Variants in ASH1L observed in about 807,000 individuals in gnomAD.
The protein encoded by ASH1L is histone-lysine N-methyltransferase ASH1L.
A neutral mutation model predicts 269.0 loss-of-function variants in ASH1L; 23 were observed. The observed-to-expected ratio is 0.09, with a 90% confidence interval of 0.06 to 0.12. The LOEUF (loss-of-function observed/expected upper bound fraction) is 0.12. Ranked by LOEUF, ASH1L falls within the 10% of genes least tolerant of loss-of-function variation. The probability of loss-of-function intolerance (pLI) is 1.00; values close to 1 mark genes in which losing one functional copy is unlikely to be tolerated. For missense variants in ASH1L, 2,912 were observed against 3,567.8 expected (o/e 0.82, Z 4.68); for synonymous variants, 1,187 against 1,253.5 (o/e 0.95, Z 1.12).
intron 7 of ASH1L, among the ~76,000 whole-genome samples, chr1:155,385,427 G>C (rs1420505264): frequency 1.3e-5 from 2 of 152,038 alleles, no homozygotes; most frequent in Non-Finnish European, 2.9e-5. Context: ...CTGGGCAACA[G>C]AGCAAGAACC....
rs1474290126 is a variant in ASH1L at position 155,479,815 on chromosome 1, G to C, written c.3055C>G (p.His1019Asp). The C allele has an allele frequency of 6.2e-7, 1 of 1,614,166 alleles. No homozygotes were observed. The highest frequency in any genetic ancestry group is 8.5e-7 in the Non-Finnish European group (1 of 1,180,016). ...GCAGCAAGACTTGATACCGTATTAT[G>C]GAGTTTGGATTGCACTTTCCCTTTA... is the stretch of plus-strand genomic sequence containing the variant. ...SNKGKVQSKL[H>D]NTVSSLAATF... is the part of the protein sequence containing the mutation. Residue 1019 changes from histidine to aspartate, a missense_variant, in exon 3 of 28, where the codon CAT becomes GAT. Around this residue, in one of 13 missense-constraint regions of ASH1L, gnomAD observed 715 missense variants for 721.0 expected, o/e 0.99. Coordinates refer to ENST00000392403, the MANE Select transcript of ASH1L (RefSeq NM_018489.3).
intron 7 of ASH1L, among the ~76,000 whole-genome samples, chr1:155,388,482 T>G (rs991399390): frequency 1.3e-5 from 2 of 151,934 alleles, no homozygotes; most frequent in African/African-American, 4.8e-5. Flanking sequence ...TTTAAATTTT[T>G]GTATACATGG....
chr1:155,521,297 C>A lies in ASH1L; in HGVS notation c.223G>T (p.Val75Leu). The change falls in exon 2 of 28, where the codon GTG becomes TTG. Residue 75 changes from valine (V) to leucine (L), a missense_variant. Val to Leu is a conservative substitution (Grantham distance 32). Coordinates refer to ENST00000392403, the MANE Select transcript of ASH1L (RefSeq NM_018489.3). ...GLTDAQQQFS[V>L]KETNFSEGNL... ...CCCTCTGAAAAGTTTGTTTCTTTCA[C>A]TGAAAACTGTTGCTGTGCATCAGTC... The A allele has an allele frequency of 6.2e-7, 1 of 1,614,136 alleles. No homozygotes were observed. Among genetic ancestry groups the A allele is most frequent in the Non-Finnish European group, 8.5e-7 (1 of 1,180,030 alleles).
intron 1 of ASH1L, among the ~76,000 whole-genome samples, chr1:155,540,484 A>T (rs1260737746): frequency 6.6e-6 from 1 of 152,074 alleles, no homozygotes; most frequent in African/African-American, 2.4e-5. Flanking sequence ...AAAAGCAAGC[A>T]CTCAGCTGGG....
At chr1:155,434,386 C>A (rs1199790665) in intron 5 of ASH1L, 8 of 1,396,834 alleles carry the variant, frequency 5.7e-6, no homozygotes, top group Non-Finnish European at 5.9e-6. Context: ...ATTGGGAACA[C>A]AAAGGGTGGG....
At chr1:155,435,698 C>T (rs1478449270) in intron 5 of ASH1L, among the ~76,000 whole-genome samples, 4 of 150,366 alleles carry the variant, frequency 2.7e-5, no homozygotes, top group African/African-American at 4.9e-5. Context: ...TAAGAGTGAA[C>T]ATGCCACATT....
chr1:155,460,296 T>A (rs992707252), intron 3 of ASH1L, among the ~76,000 whole-genome samples: 5 of 152,156 alleles, frequency 3.3e-5, no homozygotes. Flanking sequence ...TGACAAAATT[T>A]ACAATGTAAT....
chr1:155,543,302 G>T (rs947522728), intron 1 of ASH1L, among the ~76,000 whole-genome samples: 4 of 151,780 alleles, frequency 2.6e-5, no homozygotes, highest in Non-Finnish European at 4.4e-5. Flanking sequence ...TTTGAGGTCA[G>T]GAGTTCGACA....
At chr1:155,433,435 G>A in intron 5 of ASH1L, 1 of 1,609,654 alleles carries the variant, frequency 6.2e-7, no homozygotes, top group Non-Finnish European at 8.5e-7. Context: ...TGCGGCTAGT[G>A]CCCCAAGGCG....
In ASH1L at chr1:155,476,169, G is replaced by A. The variant is rs1024523458; in HGVS notation, c.4984+1717C>T. Among the ~76,000 whole-genome samples the A allele has an allele frequency of 3.9e-5, 6 of 152,166 alleles. No homozygotes were observed. In the South Asian group the frequency reaches 1.2e-3, roughly 32 times the overall value. On this transcript the variant is annotated intron_variant, in intron 3 of 27. Coordinates refer to ENST00000392403, the MANE Select transcript of ASH1L (RefSeq NM_018489.3). ...TGGGAGGCCGAGGTGGGCGGATCACGAGGTCAGGAGTTCGAGACCATCCTG... is the reference window on the plus strand; with the variant it reads ...TGGGAGGCCGAGGTGGGCGGATCACAAGGTCAGGAGTTCGAGACCATCCTG...
rs1017336324 is a variant in ASH1L, at chr1:155,335,721, C to T, written c.*1939G>A. The T allele has an allele frequency of 6.6e-6, 1 of 152,420 alleles. No individual in the cohort carries two copies. The highest frequency in any genetic ancestry group is 2.1e-4 in the South Asian group (1 of 4,818). The allele number at this position is 152,420 out of a possible 1,614,324, so 9.4% of individuals were successfully genotyped here. A position where few individuals can be genotyped will look rare whatever the true frequency, so the allele number is the denominator to read the frequency against. On this transcript the variant is annotated 3_prime_UTR_variant, in exon 28 of 28. Transcript: ENST00000392403. ...ACAAAAGAAAGATAAAATGACAGAG[C>T]GTAGTGTCTTTTGCTTCTGTTCTCG... is the stretch of plus-strand genomic sequence containing the variant.
upstream of ASH1L, chr1:155,562,971 T>G: frequency 2.2e-6 from 1 of 456,766 alleles, no homozygotes; most frequent in Non-Finnish European, 4.4e-6. Context: ...TCCATTCCTG[T>G]CGGCTGCAGG....
chr1:155,533,188 C>T (rs908158455), intron 1 of ASH1L, among the ~76,000 whole-genome samples: 10 of 152,106 alleles, frequency 6.6e-5, no homozygotes, highest in African/African-American at 2.4e-4. Flanking sequence ...TGAGTCCTCA[C>T]AGTGAATTTA....
chr1:155,451,561 A>G (rs1571248811), intron 4 of ASH1L, among the ~76,000 whole-genome samples: 1 of 152,078 alleles, frequency 6.6e-6, no homozygotes, highest in Non-Finnish European at 1.5e-5. Flanking sequence ...GGAGTTCAAG[A>G]CCAGCCTGGC....
At position 155,351,379 on chromosome 1, in the gene ASH1L, G is replaced by A. The variant is rs536360454; in HGVS notation, c.7366+1327C>T. 6.6e-5 allele frequency among the ~76,000 whole-genome samples: 10 copies of A among 151,360 alleles called. No homozygotes were observed. The East Asian group carries it at 1.8e-3, about 27-fold the overall frequency. ...GGCTTGGCTAACATGTTGAAACCCC[G>A]TCTCACTACCAAAAAATACAAAATT... On this transcript the variant is annotated intron_variant, in intron 17 of 27. Coordinates refer to ENST00000392403, the MANE Select transcript of ASH1L (RefSeq NM_018489.3).
At chr1:155,496,640 T>C (rs1386709119) in intron 2 of ASH1L, among the ~76,000 whole-genome samples, 2 of 152,100 alleles carry the variant, frequency 1.3e-5, no homozygotes, top group Non-Finnish European at 2.9e-5. Flanking sequence ...TTTCTTTTCT[T>C]CTTCCTTTTT....
Position 155,343,079 on chromosome 1 carries a change from T to TCGG in ASH1L, c.8293+234_8293+235insCCG. 2.3e-6 allele frequency: 1 copy of TCGG among 444,230 alleles called. No individual in the cohort carries two copies. Among genetic ancestry groups the TCGG allele is most frequent in the Admixed American group, 4.0e-5 (1 of 25,244 alleles). The allele number at this position is 444,230 out of a possible 1,614,324, so 27.5% of individuals were successfully genotyped here. On this transcript the variant is annotated intron_variant, in intron 24 of 27. Transcript: ENST00000392403. This position sits in a 1 kb window ranked among gnomAD's most constrained non-coding sequence, Gnocchi z 6.1. ...CAGGTTGGAGTGCAGTGGTGCGATC[T>TCGG]TGGCTCACTGCAACCTCTGCCTCCC... is the stretch of plus-strand genomic sequence containing the variant.
intron 1 of ASH1L, among the ~76,000 whole-genome samples, chr1:155,538,003 A>T (rs992413203): frequency 1.4e-4 from 22 of 151,962 alleles, no homozygotes; most frequent in African/African-American, 4.8e-4. Context: ...GGCATTTTTT[A>T]AATTTTTTAA....
intron 12 of ASH1L, chr1:155,370,282 C>A (rs1655824453): frequency 5.3e-6 from 3 of 561,146 alleles, no homozygotes; most frequent in Admixed American, 3.2e-5. Context: ...ACCAAAAAAG[C>A]AAAACAAAAA....
Sources: allele counts gnomAD v4.1 joint callset (sites outside exome capture counted in the v4.1 genomes callset), GRCh38; gene constraint gnomAD v4.1.1; regional missense constraint gnomAD v4.1.1; non-coding constraint Gnocchi (gnomAD v3.1); transcripts MANE v1.5; gene names NCBI Gene and HGNC (gene_info 2026-07-23, HGNC 2026-07-21).